The following ANO3 variants were observed in gnomAD, a reference collection of about 807,000 sequenced individuals.
ANO3 encodes the protein anoctamin 3.
Under a neutral mutation model 144.8 loss-of-function variants are expected in ANO3, and 99 were observed. The ratio of observed to expected loss-of-function variants is 0.68; its 90% confidence interval spans 0.58 to 0.81. ANO3 has a LOEUF of 0.81. ANO3 is among the 30% of genes least tolerant of loss of function. The pLI is 0.00. For missense variants in ANO3, 905 were observed against 1,202.2 expected, an observed-to-expected ratio of 0.75 and a Z score of 3.66; for synonymous variants, 414 against 392.6, an observed-to-expected ratio of 1.05 and a Z score of -0.64.
intron 4 of ANO3, among the ~76,000 whole-genome samples, chr11:26,496,482 C>G (rs1315968744): frequency 1.3e-5 from 2 of 152,202 alleles, no homozygotes; most frequent in Non-Finnish European, 2.9e-5. Context: ...CTGATTTCCA[C>G]TTTGTCTTGA....
intron 2 of ANO3, among the ~76,000 whole-genome samples, chr11:26,443,416 A>C (rs994665232): frequency 6.6e-5 from 10 of 152,000 alleles, no homozygotes; most frequent in African/African-American, 2.4e-4. Flanking sequence ...AGCCTGGCCA[A>C]GATGGTGAAA....
At chr11:26,387,101 A>G (rs1856754137) in intron 1 of ANO3, among the ~76,000 whole-genome samples, 1 of 150,396 alleles carries the variant, frequency 6.6e-6, no homozygotes, top group Admixed American at 6.7e-5. Context: ...AGAGAGAGAG[A>G]GAATATAGTT....
intron 1 of ANO3, among the ~76,000 whole-genome samples, chr11:26,411,058 T>G (rs771848426): frequency 1.3e-5 from 2 of 151,980 alleles, no homozygotes; most frequent in Non-Finnish European, 2.9e-5. Context: ...GAGAAACATT[T>G]CCTAACTTCA....
chr11:26,652,103 C>T (rs1590681359), intron 24 of ANO3, among the ~76,000 whole-genome samples: 1 of 152,152 alleles, frequency 6.6e-6, no homozygotes, highest in East Asian at 1.9e-4. Flanking sequence ...CGTTGGTTCT[C>T]CAGACTCTTT....
intron 9 of ANO3, 133 bp downstream of exon 9, chr11:26,534,695 T>A (rs776840158): frequency 2.0e-6 from 1 of 492,746 alleles, no homozygotes; most frequent in Non-Finnish European, 3.5e-6. Flanking sequence ...ACACACACTC[T>A]ATAAGCATTC....
intron 18 of ANO3, among the ~76,000 whole-genome samples, chr11:26,625,653 G>T (rs572796817): frequency 6.6e-6 from 1 of 151,810 alleles, no homozygotes; most frequent in Non-Finnish European, 1.5e-5. Context: ...GTTTTGCCAA[G>T]ACTCTAAATT....
At chr11:26,537,991 A>G in intron 10 of ANO3, among the ~76,000 whole-genome samples, 1 of 152,182 alleles carries the variant, frequency 6.6e-6, no homozygotes, top group East Asian at 1.9e-4. Context: ...CTTTAAGGCA[A>G]TTTCACATTT....
At chr11:26,445,452 T>C (rs1202166596) in intron 3 of ANO3, among the ~76,000 whole-genome samples, 1 of 152,222 alleles carries the variant, frequency 6.6e-6, no homozygotes, top group Non-Finnish European at 1.5e-5. Flanking sequence ...TAAAAAGCAC[T>C]TTCTCTGAAT....
chr11:26,411,572 A>G (rs537982675), intron 1 of ANO3, among the ~76,000 whole-genome samples: 1 of 152,056 alleles, frequency 6.6e-6, no homozygotes, highest in Non-Finnish European at 1.5e-5. Context: ...TCAAATCAAA[A>G]CACTTAGGAA....
At chr11:26,291,413 A>C (rs1222108648) in intron 1 of ANO3, among the ~76,000 whole-genome samples, 2 of 152,090 alleles carry the variant, frequency 1.3e-5, no homozygotes, top group African/African-American at 4.8e-5. Flanking sequence ...TTTACATTTA[A>C]GGTTAATATT....
intron 1 of ANO3, among the ~76,000 whole-genome samples, chr11:26,282,435 C>T (rs997248004): frequency 3.9e-5 from 6 of 152,042 alleles, no homozygotes. Context: ...TCATAGCCTG[C>T]ATTCTGCATA....
In ANO3 at chr11:26,552,496, A is replaced by C. The variant is rs987240590; in HGVS notation, c.1290-753A>C. On this transcript the variant is annotated intron_variant, in intron 12 of 26. Transcript: ENST00000256737. ...ATGGGAAAGGGCCATGTATGAGAGG[A>C]AAGGGCACAAAGCGTCCTGCAAATA... Among the ~76,000 whole-genome samples the C allele has an allele frequency of 2.0e-5, 3 of 152,182 alleles. No individual in the cohort carries two copies. In the East Asian group the frequency reaches 5.8e-4, roughly 29 times the overall value.
At chr11:26,545,080 C>T (rs1013465022) in intron 11 of ANO3, among the ~76,000 whole-genome samples, 1 of 151,940 alleles carries the variant, frequency 6.6e-6, no homozygotes, top group Admixed American at 6.6e-5. Context: ...TTCTACAAGC[C>T]CCATTTTTCT....
chr11:26,340,518 C>T (rs1479399521), intron 1 of ANO3, among the ~76,000 whole-genome samples: 3 of 152,086 alleles, frequency 2.0e-5, no homozygotes, highest in East Asian at 1.9e-4. Context: ...CTAGACCTAC[C>T]GAATCTAAAC....
At chr11:26,283,182 C>T (rs902526106) in intron 1 of ANO3, among the ~76,000 whole-genome samples, 14 of 150,744 alleles carry the variant, frequency 9.3e-5, no homozygotes, top group Non-Finnish European at 8.9e-5. Flanking sequence ...TTTCAATTTC[C>T]TTTCTTATAC....
chr11:26,427,869 C>A (rs954617350), intron 1 of ANO3, among the ~76,000 whole-genome samples: 2 of 152,132 alleles, frequency 1.3e-5, no homozygotes, highest in African/African-American at 2.4e-5. Flanking sequence ...AGAAGAAATG[C>A]AGACTGAAGC....
rs371446558 is a variant in ANO3 at position 26,452,510 on chromosome 11, C to T, written c.313+8674C>T. Among the ~76,000 whole-genome samples, 13 of 151,852 alleles carry T rather than the reference C, an allele frequency of 8.6e-5. 1 individual carries two copies. Among genetic ancestry groups the T allele is most frequent in the South Asian group, 4.2e-4 (2 of 4,804 alleles). On this transcript the variant is annotated intron_variant, in intron 3 of 26. Coordinates refer to ENST00000256737, the MANE Select transcript of ANO3 (RefSeq NM_031418.4). ...AGAAGATGAAACGAATGAAATGAAG[C>T]GAGAAGGGAAGTTTAGAGAAAAAAG...
intron 1 of ANO3, among the ~76,000 whole-genome samples, chr11:26,250,155 C>A (rs1852894190): frequency 6.6e-6 from 1 of 152,220 alleles, no homozygotes; most frequent in Non-Finnish European, 1.5e-5. Flanking sequence ...CAATAACTGT[C>A]TCTACTACTT....
intron 1 of ANO3, among the ~76,000 whole-genome samples, chr11:26,209,006 A>T (rs984758676): frequency 6.6e-6 from 1 of 152,180 alleles, no homozygotes; most frequent in African/African-American, 2.4e-5. Context: ...CTCATTTTTT[A>T]AAATTATACT....
Sources: gnomAD v4.1 joint callset for allele counts (sites outside exome capture counted in the v4.1 genomes callset) on GRCh38, gnomAD v4.1.1 for gene constraint, MANE v1.5 for transcripts, NCBI Gene and HGNC (gene_info 2026-07-23, HGNC 2026-07-21) for gene names.